RBM22: variants seen among roughly 807,000 people sequenced by gnomAD.
The protein encoded by RBM22 is RNA binding motif protein 22.
RBM22 carries 1 observed loss-of-function variant against 50.1 expected under a neutral mutation model. That is an observed-to-expected ratio of 0.02 (90% CI 0.01 to 0.09). The LOEUF (loss-of-function observed/expected upper bound fraction) is 0.09, where lower values mean the gene tolerates loss of function less well. Among genes scored for constraint, RBM22 ranks in the 10% least tolerant of loss-of-function variants. The pLI, the probability that RBM22 is intolerant of heterozygous loss-of-function variation, is 1.00. For missense variants in RBM22, 264 were observed against 529.3 expected (o/e 0.50, Z 4.92); for synonymous variants, 152 against 179.0 (o/e 0.85, Z 1.20).
chr5:150,695,628 A>C lies in RBM22; in HGVS notation c.624T>G (p.Pro208=). ...IKDRYYGIND[P]VADKLLKRAS... Reference sequence around the variant, plus strand: ...CCCGCTTTAGAAGCTTGTCAGCTACAGGATCATTGATTCCGTAATAACGGT... The same window carrying C: ...CCCGCTTTAGAAGCTTGTCAGCTACCGGATCATTGATTCCGTAATAACGGT... The change falls in exon 7 of 11, where the codon CCT becomes CCG. Residue 208 remains proline, a synonymous_variant. Transcript: ENST00000199814. 1 of 1,612,924 alleles carries C rather than the reference A, an allele frequency of 6.2e-7. No individual in the cohort carries two copies. The highest frequency in any genetic ancestry group is 8.5e-7 in the Non-Finnish European group (1 of 1,179,306).
rs1759247518 is a variant in RBM22 at position 150,694,393 on chromosome 5, T to C, written c.747-153A>G. 3 of 1,219,154 alleles carry C rather than the reference T, an allele frequency of 2.5e-6. No individual in the cohort carries two copies. The South Asian group carries it at 5.6e-5, about 23-fold the overall frequency. 75.5% of individuals were successfully genotyped at this position (1,219,154 alleles called of 1,614,324 possible). A position where few individuals can be genotyped will look rare whatever the true frequency, so the allele number is the denominator to read the frequency against. On this transcript the variant is annotated intron_variant, in intron 7 of 10. Transcript: ENST00000199814. ...ACCCGCAGGTCTCCACCCCATATCT[T>C]GTCCTACTGTGGGTGCTGCTGATTG... is the stretch of plus-strand genomic sequence containing the variant.
At chr5:150,694,425 G>A (rs1022741181) in intron 7 of RBM22, 185 bp from the exon 8 acceptor site, 16 of 919,612 alleles carry the variant, frequency 1.7e-5, no homozygotes, top group Middle Eastern at 3.5e-4. Context: ...ATTGAGAGAA[G>A]GAAAGAAAAA....
chr5:150,701,043 T>C lies in RBM22; in HGVS notation c.-58A>G, dbSNP rs1759344560. ...GAATTGGGAGAGAGGACCGCCACAA[T>C]CCCGTCAAGCCCCGAGGCTAGCGCC... On this transcript the variant is annotated 5_prime_UTR_variant, in exon 1 of 11. Transcript: ENST00000199814. 12 of 1,609,732 alleles carry C rather than the reference T, an allele frequency of 7.5e-6. No homozygotes were observed. Among genetic ancestry groups the C allele is most frequent in the African/African-American group, 1.3e-5 (1 of 74,906 alleles).
chr5:150,695,854 T>G (rs945204983), intron 6 of RBM22, 148 bp from the exon 7 acceptor site: 2 of 665,196 alleles, frequency 3.0e-6, no homozygotes, highest in Non-Finnish European at 5.0e-6. Flanking sequence ...AAAATATAAT[T>G]ACCAAAATAG....
chr5:150,692,780 T>C, intron 10 of RBM22, 115 bp downstream of exon 10: 1 of 1,186,446 alleles, frequency 8.4e-7, no homozygotes, highest in South Asian at 1.7e-5. Flanking sequence ...ACTTTACTGG[T>C]AGACTTCTAC....
rs1759243941 is a variant in RBM22 at position 150,694,143 on chromosome 5, C to A, written c.844G>T (p.Val282Leu). Residue 282 changes from valine (V) to leucine (L), a missense_variant, in exon 8 of 11, where the codon GTG (valine) becomes TTG (leucine). Val to Leu is a conservative substitution (Grantham distance 32). Coordinates refer to ENST00000199814, the MANE Select transcript of RBM22 (RefSeq NM_018047.3). ...IQFATRQAAE[V>L]AAEKSFNKLI... ...TTATTAAAGGACTTCTCAGCAGCCACTTCTGCAGCCTGCCGTGTGGCAAAC... is the reference window on the plus strand; with the variant it reads ...TTATTAAAGGACTTCTCAGCAGCCAATTCTGCAGCCTGCCGTGTGGCAAAC... 1 of 1,614,256 alleles carries A rather than the reference C, an allele frequency of 6.2e-7. No individual in the cohort carries two copies. Among genetic ancestry groups the A allele is most frequent in the Non-Finnish European group, 8.5e-7 (1 of 1,180,050 alleles).
intron 3 of RBM22, 76 bp from the exon 4 acceptor site, chr5:150,698,707 C>A: frequency 6.5e-7 from 1 of 1,530,164 alleles, no homozygotes; most frequent in Non-Finnish European, 8.8e-7. Flanking sequence ...AACAACGGGG[C>A]ATTCAAAAAA....
At chr5:150,695,193 A>AT (rs1291739286) in intron 7 of RBM22, 47 of 247,192 alleles carry the variant, frequency 1.9e-4, no homozygotes, top group Admixed American at 5.6e-4. Context: ...CACCCGGCTA[A>AT]TTTTTTTGAT....
intron 7 of RBM22, 45 bp from the exon 8 acceptor site, chr5:150,694,285 A>T: frequency 6.3e-7 from 1 of 1,590,368 alleles, no homozygotes; most frequent in Non-Finnish European, 8.6e-7. Flanking sequence ...GAGTTAAAAA[A>T]GATGTACCCA....
In RBM22 at chr5:150,700,514, A is replaced by T; in HGVS notation, c.55-17T>A. 6.2e-7 allele frequency: 1 copy of T among 1,614,056 alleles called. No homozygotes were observed. The highest frequency in any genetic ancestry group is 8.5e-7 in the Non-Finnish European group (1 of 1,180,010). On this transcript the variant is annotated splice_polypyrimidine_tract_variant and intron_variant, in intron 1 of 10. Coordinates refer to ENST00000199814, the MANE Select transcript of RBM22 (RefSeq NM_018047.3). ...GGGGAAGTCCTGGTGAAAATGGGAA[A>T]TCTGGTTGAGGACCACCCTCCGAAG...
rs368829997 is a variant in RBM22 at position 150,691,770 on chromosome 5, C to G, written c.1244G>C (p.Gly415Ala). ...AAGGTGCTAGGGGCTGCTGTGTTTT[C>G]CAGCATGAGCTCCCATCCTCTGAGG... is the stretch of plus-strand genomic sequence containing the variant. ...QDPQRMGAHAGKHSSP is the reference protein window; with the variant it reads ...QDPQRMGAHAAKHSSP The change falls in exon 11 of 11, where the codon GGA becomes GCA. Residue 415 changes from glycine (G) to alanine (A), a missense_variant. Gly to Ala is a moderately conservative substitution (Grantham distance 60). This residue lies in a region of RBM22 where 106 missense variants were observed against 137.1 expected (regional missense o/e 0.77). Coordinates refer to ENST00000199814, the MANE Select transcript of RBM22 (RefSeq NM_018047.3). The G allele has an allele frequency of 3.2e-5, 51 of 1,593,216 alleles. No individual in the cohort carries two copies. The highest frequency in any genetic ancestry group is 4.4e-5 in the Non-Finnish European group (51 of 1,169,738).
chr5:150,692,312 C>G (rs774368560), intron 10 of RBM22, among the ~76,000 whole-genome samples: 24 of 152,174 alleles, frequency 1.6e-4, no homozygotes, highest in South Asian at 4.2e-4. Context: ...AACTGGCTAC[C>G]TGTGATTTCC....
At chr5:150,698,454 T>C (rs148732450) in intron 4 of RBM22, 45 bp downstream of exon 4, 4 of 1,597,370 alleles carry the variant, frequency 2.5e-6, no homozygotes, top group African/African-American at 2.7e-5. Flanking sequence ...CTTGTAGTTT[T>C]AGGCACCTGC....
Position 150,696,623 on chromosome 5 carries a change from C to T in RBM22, c.455G>A (p.Arg152Gln). The T allele has an allele frequency of 6.2e-7, 1 of 1,614,116 alleles. No homozygotes were observed. The highest frequency in any genetic ancestry group is 8.5e-7 in the Non-Finnish European group (1 of 1,180,000). The change falls in exon 6 of 11, where the codon CGG (arginine) becomes CAG (glutamine). Residue 152 changes from arginine to glutamine, a missense_variant. Physicochemically the swap from Arg to Gln is conservative, Grantham distance 43. This residue lies in a region of RBM22 where 7 missense variants were observed against 50.6 expected (regional missense o/e 0.14). Transcript: ENST00000199814. The surrounding 1 kb of genome is among the most constrained non-coding windows in gnomAD (Gnocchi z 4.3). ...STSDMLLKLARTTPYYKRNRP... is the reference protein window; with the variant it reads ...STSDMLLKLAQTTPYYKRNRP... Reference sequence around the variant, plus strand: ...ATTCCTTTTGTAGTAGGGTGTGGTCCGGGCCAGTTTGAGCAGCATGTCACT... The same window carrying T: ...ATTCCTTTTGTAGTAGGGTGTGGTCTGGGCCAGTTTGAGCAGCATGTCACT...
intron 2 of RBM22, 58 bp from the exon 3 acceptor site, chr5:150,699,329 T>C (rs1759315284): frequency 1.3e-6 from 2 of 1,515,572 alleles, no homozygotes; most frequent in African/African-American, 1.4e-5. Context: ...AAGCCAGATG[T>C]CTACTCTTTC....
intron 8 of RBM22, 115 bp from the exon 9 acceptor site, chr5:150,693,422 A>C: frequency 1.3e-6 from 1 of 767,730 alleles, no homozygotes; most frequent in Non-Finnish European, 2.1e-6. Flanking sequence ...CTCAGCACAC[A>C]CTCTTTTCCC....
chr5:150,700,996 T>G lies in RBM22; in HGVS notation c.-11A>C. 1.9e-6 allele frequency: 3 copies of G among 1,614,130 alleles called. No individual in the cohort carries two copies. Among genetic ancestry groups the G allele is most frequent in the Non-Finnish European group, 2.5e-6 (3 of 1,180,018 alleles). On this transcript the variant is annotated 5_prime_UTR_variant, in exon 1 of 11. Coordinates refer to ENST00000199814, the MANE Select transcript of RBM22 (RefSeq NM_018047.3). ...CAGAGAGGTCGCCATCTTGAGAGCG[T>G]CCGGAGGTAGCTGTAGCTTCCGAAT...
chr5:150,696,765 T>C lies in RBM22; in HGVS notation c.372+26A>G. The C allele has an allele frequency of 6.2e-7, 1 of 1,613,702 alleles. No homozygotes were observed. The highest frequency in any genetic ancestry group is 8.5e-7 in the Non-Finnish European group (1 of 1,179,584). On this transcript the variant is annotated intron_variant, in intron 5 of 10. Coordinates refer to ENST00000199814, the MANE Select transcript of RBM22 (RefSeq NM_018047.3). The surrounding 1 kb of genome is among the most constrained non-coding windows in gnomAD (Gnocchi z 4.3). ...TACAGACTGTGTCAATTCATTAGGA[T>C]TTTTATCCAAAAAGTGGCAGCATAC...
intron 2 of RBM22, 88 bp downstream of exon 2, chr5:150,700,356 C>T: frequency 2.3e-6 from 3 of 1,310,496 alleles, no homozygotes; most frequent in Admixed American, 4.0e-5. Context: ...ATCATTTTTT[C>T]TGCTTGTCTA....
Sources: gnomAD v4.1 joint callset for allele counts (sites outside exome capture counted in the v4.1 genomes callset) on GRCh38, gnomAD v4.1.1 for gene constraint, gnomAD v4.1.1 regional missense constraint, Gnocchi (gnomAD v3.1) non-coding constraint, MANE v1.5 for transcripts, NCBI Gene and HGNC (gene_info 2026-07-23, HGNC 2026-07-21) for gene names.